The following SSH2 variants were observed in gnomAD, a reference collection of about 807,000 sequenced individuals.
SSH2 encodes protein phosphatase Slingshot homolog 2.
SSH2 carries 37 observed loss-of-function variants against 135.2 expected under a neutral mutation model. That is an observed-to-expected ratio of 0.27 (90% confidence interval 0.21 to 0.36). SSH2 has a LOEUF of 0.36. SSH2 is among the 10% of genes least tolerant of loss of function. The pLI, the probability that SSH2 is intolerant of heterozygous loss-of-function variation, is 1.00. For missense variants in SSH2, 1,408 were observed against 1,765.3 expected, an observed-to-expected ratio of 0.80 and a Z score of 3.63; for synonymous variants, 628 against 646.2, an observed-to-expected ratio of 0.97 and a Z score of 0.43.
At chr17:29,755,070 C>G (rs1255565632) in intron 3 of SSH2, among the ~76,000 whole-genome samples, 1 of 152,206 alleles carries the variant, frequency 6.6e-6, no homozygotes, top group Non-Finnish European at 1.5e-5. Context: ...AATGATAACA[C>G]TAACACCTTG....
intron 3 of SSH2, among the ~76,000 whole-genome samples, chr17:29,710,349 C>T (rs778563150): frequency 3.3e-5 from 5 of 152,132 alleles, no homozygotes; most frequent in Admixed American, 1.3e-4. Context: ...CTGCTTGAAG[C>T]CAAAATTAGC....
At chr17:29,736,714 G>A (rs1383039282) in intron 3 of SSH2, among the ~76,000 whole-genome samples, 1 of 148,698 alleles carries the variant, frequency 6.7e-6, no homozygotes, top group Non-Finnish European at 1.5e-5. Context: ...TTTAACCCGG[G>A]AGGCGGAGGT....
At chr17:29,801,427 A>G (rs963853187) in intron 2 of SSH2, among the ~76,000 whole-genome samples, 11 of 152,106 alleles carry the variant, frequency 7.2e-5, no homozygotes, top group Non-Finnish European at 1.5e-4. Flanking sequence ...CTCATTTATC[A>G]TTCTCCAAAC....
At chr17:29,902,386 T>C (rs1337950270) in intron 1 of SSH2, among the ~76,000 whole-genome samples, 3 of 152,200 alleles carry the variant, frequency 2.0e-5, no homozygotes, top group Admixed American at 1.3e-4. Context: ...GGTAGCCATA[T>C]ACCCCAGTTT....
chr17:29,753,285 C>T (rs1438248084), intron 3 of SSH2, among the ~76,000 whole-genome samples: 1 of 151,858 alleles, frequency 6.6e-6, no homozygotes, highest in Non-Finnish European at 1.5e-5. Context: ...CACCCACCAT[C>T]ATGCCCAGCT....
rs564306717 is a variant in SSH2 at position 29,750,780 on chromosome 17, C to G, written c.188+43114G>C. On this transcript the variant is annotated intron_variant, in intron 3 of 15. Coordinates refer to ENST00000540801, the MANE Select transcript of SSH2 (RefSeq NM_001282129.2). ...CCTGTAATCTCAGCACTTTGGGAAGCTGAGGCGGGCAGATCACCAGGTCAA... is the reference window on the plus strand; with the variant it reads ...CCTGTAATCTCAGCACTTTGGGAAGGTGAGGCGGGCAGATCACCAGGTCAA... Among the ~76,000 whole-genome samples the G allele has an allele frequency of 6.0e-5, 9 of 150,862 alleles. No homozygotes were observed. In the East Asian group the frequency reaches 1.2e-3, roughly 20 times the overall value.
chr17:29,825,098 T>A (rs1240975976), intron 2 of SSH2, among the ~76,000 whole-genome samples: 1 of 152,172 alleles, frequency 6.6e-6, no homozygotes, highest in East Asian at 1.9e-4. Flanking sequence ...CCCTTACACT[T>A]CCCAGTTACA....
chr17:29,684,354 G>A (rs1245561029), intron 6 of SSH2, among the ~76,000 whole-genome samples: 1 of 152,122 alleles, frequency 6.6e-6, no homozygotes, highest in African/African-American at 2.4e-5. Context: ...GTGTACACCT[G>A]TAATTCCAGC....
In SSH2 at chr17:29,744,904, TAAA is replaced by T. The variant is rs1419218520; in HGVS notation, c.189-41845_189-41843del. Among the ~76,000 whole-genome samples, 4 of 148,890 alleles carry T rather than the reference TAAA, an allele frequency of 2.7e-5. No individual in the cohort carries two copies. The Admixed American group carries it at 2.7e-4, about 10-fold the overall frequency. ...GTGTGTGTGTGTGTGTGTGTGTGTT[TAAA>T]TAAACAAACCATAAAGCCACTAGCA... On this transcript the variant is annotated intron_variant, in intron 3 of 15. Transcript: ENST00000540801.
At chr17:29,663,725 A>G (rs772578748) in intron 11 of SSH2, among the ~76,000 whole-genome samples, 2 of 152,246 alleles carry the variant, frequency 1.3e-5, no homozygotes, top group African/African-American at 2.4e-5. Context: ...TTTAAAAAGT[A>G]AAAACTTCTA....
intron 3 of SSH2, chr17:29,776,783 C>T (rs566553607): frequency 2.6e-5 from 4 of 152,340 alleles, no homozygotes; most frequent in East Asian, 3.9e-4. Context: ...TCAGCTCCCT[C>T]TTGCAGTCCT....
intron 2 of SSH2, among the ~76,000 whole-genome samples, chr17:29,835,578 G>A (rs1345022803): frequency 6.6e-6 from 1 of 152,152 alleles, no homozygotes; most frequent in East Asian, 1.9e-4. Flanking sequence ...AGTAAGACCA[G>A]GAAGTAAGAT....
intron 3 of SSH2, among the ~76,000 whole-genome samples, chr17:29,754,557 A>G (rs2041054478): frequency 6.6e-6 from 1 of 152,206 alleles, no homozygotes; most frequent in East Asian, 1.9e-4. Context: ...TCAAGTATAT[A>G]AAAAGCTTAA....
intron 1 of SSH2, among the ~76,000 whole-genome samples, chr17:29,880,859 T>C (rs2066125351): frequency 6.6e-6 from 1 of 152,192 alleles, no homozygotes; most frequent in African/African-American, 2.4e-5. Flanking sequence ...ATAAATGAAT[T>C]TGCTCATGGT....
chr17:29,659,372 T>C (rs986478565), intron 11 of SSH2, among the ~76,000 whole-genome samples: 1 of 152,184 alleles, frequency 6.6e-6, no homozygotes, highest in African/African-American at 2.4e-5. Flanking sequence ...TAAACTGTGG[T>C]TAAGCTTTTG....
At chr17:29,850,991 G>C (rs2065546343) in intron 1 of SSH2, among the ~76,000 whole-genome samples, 1 of 151,808 alleles carries the variant, frequency 6.6e-6, no homozygotes, top group African/African-American at 2.4e-5. Context: ...TCTCAAAAAA[G>C]AAACAAACAA....
intron 3 of SSH2, among the ~76,000 whole-genome samples, chr17:29,769,460 A>ACCAT (rs2041520133): frequency 6.6e-6 from 1 of 152,202 alleles, no homozygotes; most frequent in African/African-American, 2.4e-5. Flanking sequence ...GCTGCTGTAT[A>ACCAT]CCATCCTCTT....
chr17:29,749,716 T>C (rs751790834), intron 3 of SSH2, among the ~76,000 whole-genome samples: 48 of 152,134 alleles, frequency 3.2e-4, no homozygotes, highest in Non-Finnish European at 6.5e-4. Context: ...AAATTTATTT[T>C]AAAAACTTAT....
At chr17:29,887,396 T>C (rs539481133) in intron 1 of SSH2, among the ~76,000 whole-genome samples, 5 of 152,322 alleles carry the variant, frequency 3.3e-5, no homozygotes, top group African/African-American at 9.6e-5. Flanking sequence ...CTAGGTCCTA[T>C]TTCCTAGACC....
Sources: allele counts gnomAD v4.1 joint callset (sites outside exome capture counted in the v4.1 genomes callset), GRCh38; gene constraint gnomAD v4.1.1; transcripts MANE v1.5; gene names NCBI Gene and HGNC (gene_info 2026-07-23, HGNC 2026-07-21).